PCDH9: variants seen among roughly 807,000 people sequenced by gnomAD.
The protein encoded by PCDH9 is protocadherin 9.
A neutral mutation model predicts 70.6 loss-of-function variants in PCDH9; 24 were observed. That is an observed-to-expected ratio of 0.34 (90% CI 0.25 to 0.48). The LOEUF (loss-of-function observed/expected upper bound fraction) is 0.48. Among genes scored for constraint, PCDH9 ranks in the 20% least tolerant of loss-of-function variants. The pLI, the probability that PCDH9 is intolerant of heterozygous loss-of-function variation, is 0.99. For missense variants in PCDH9, 1,281 were observed against 1,503.6 expected (o/e 0.85, Z 2.45); for synonymous variants, 562 against 558.5 (o/e 1.01, Z -0.09).
At chr13:66,646,224 C>G (rs2077769288) in intron 3 of PCDH9, among the ~76,000 whole-genome samples, 1 of 152,206 alleles carries the variant, frequency 6.6e-6, no homozygotes, top group Non-Finnish European at 1.5e-5. Flanking sequence ...TGATGTTTAC[C>G]TTTTCAGGAT....
intron 2 of PCDH9, among the ~76,000 whole-genome samples, chr13:67,087,617 C>CTCCA (rs1383940414): frequency 6.6e-6 from 1 of 152,090 alleles, no homozygotes; most frequent in Non-Finnish European, 1.5e-5. Flanking sequence ...CTTTGTTCCT[C>CTCCA]TCCATTGGCA....
intron 3 of PCDH9, among the ~76,000 whole-genome samples, chr13:66,680,715 T>C (rs1347852269): frequency 6.6e-6 from 1 of 151,838 alleles, no homozygotes; most frequent in Non-Finnish European, 1.5e-5. Context: ...CAATGAGCAA[T>C]AGTACACAAT....
At chr13:66,731,927 T>C (rs796784471) in intron 3 of PCDH9, among the ~76,000 whole-genome samples, 13 of 152,156 alleles carry the variant, frequency 8.5e-5, no homozygotes, top group African/African-American at 2.6e-4. Context: ...TGTCACTGTT[T>C]ATTTTTTGTG....
intron 2 of PCDH9, chr13:67,216,664 T>C (rs564376584): frequency 8.9e-5 from 7 of 79,014 alleles, no homozygotes; most frequent in Non-Finnish European, 1.8e-4. Flanking sequence ...ATTTCACACT[T>C]TGTGGTTGTC....
At chr13:66,948,581 A>G (rs2083127386) in intron 2 of PCDH9, among the ~76,000 whole-genome samples, 1 of 151,996 alleles carries the variant, frequency 6.6e-6, no homozygotes, top group African/African-American at 2.4e-5. Flanking sequence ...TTAATTGTAA[A>G]CTCCATGATA....
chr13:66,707,394 A>G (rs1187824934), intron 3 of PCDH9, among the ~76,000 whole-genome samples: 1 of 152,232 alleles, frequency 6.6e-6, no homozygotes, highest in Non-Finnish European at 1.5e-5. Flanking sequence ...AAAAGGCAGC[A>G]CATATTGCCA....
At chr13:66,753,425 A>G (rs749368244) in intron 3 of PCDH9, among the ~76,000 whole-genome samples, 3 of 152,202 alleles carry the variant, frequency 2.0e-5, no homozygotes, top group Non-Finnish European at 2.9e-5. Context: ...TCTAATCACT[A>G]TATACATATC....
chr13:66,861,518 C>A (rs2139480669), intron 3 of PCDH9, among the ~76,000 whole-genome samples: 1 of 152,244 alleles, frequency 6.6e-6, no homozygotes, highest in East Asian at 1.9e-4. Context: ...CTAAATGTCA[C>A]AAGTTTTACT....
intron 4 of PCDH9, among the ~76,000 whole-genome samples, chr13:66,462,516 T>A (rs1481435560): frequency 6.6e-6 from 1 of 151,810 alleles, no homozygotes; most frequent in Non-Finnish European, 1.5e-5. Context: ...CAACAATGGT[T>A]TCCAAAATTA....
At chr13:67,003,222 C>T (rs1180340020) in intron 2 of PCDH9, among the ~76,000 whole-genome samples, 1 of 152,018 alleles carries the variant, frequency 6.6e-6, no homozygotes, top group Non-Finnish European at 1.5e-5. Context: ...ACAGAGCAAA[C>T]ATACTGATGA....
At chr13:66,648,396 A>G (rs1221197926) in intron 3 of PCDH9, among the ~76,000 whole-genome samples, 1 of 152,176 alleles carries the variant, frequency 6.6e-6, no homozygotes, top group Non-Finnish European at 1.5e-5. Context: ...AAAGTAAGGG[A>G]AGAGAACAAG....
chr13:66,679,667 T>G (rs1385407737), intron 3 of PCDH9, among the ~76,000 whole-genome samples: 2 of 151,960 alleles, frequency 1.3e-5, no homozygotes, highest in Non-Finnish European at 2.9e-5. Context: ...GTAATTTAAT[T>G]TGAAAAGCAA....
chr13:67,228,358 T>C lies in PCDH9; in HGVS notation c.83A>G (p.Tyr28Cys). ...LDSAIAQELI[Y>C]TIREELPENV... ...TTCAGGCAATTCCTCTCTAATAGTG[T>C]AAATAAGTTCTTGAGCTATTGCGGA... Residue 28 changes from tyrosine (Y) to cysteine (C), a missense_variant, in exon 2 of 5, where the codon TAC (tyrosine) becomes TGC (cysteine). Physicochemically the swap from Tyr to Cys is radical, Grantham distance 194. Coordinates refer to ENST00000377865, the MANE Select transcript of PCDH9 (RefSeq NM_203487.3). The C allele has an allele frequency of 1.2e-6, 2 of 1,613,828 alleles. No homozygotes were observed. The highest frequency in any genetic ancestry group is 2.7e-5 in the African/African-American group (2 of 75,040).
intron 3 of PCDH9, among the ~76,000 whole-genome samples, chr13:66,777,517 A>G (rs4356361): frequency 0.37 from 56,611 of 151,932 alleles, 10,817 homozygotes; most frequent in East Asian, 0.57. Context: ...GCGGCCAAAA[A>G]ACACATGAAA....
chr13:67,056,635 A>G (rs112260055), intron 2 of PCDH9, among the ~76,000 whole-genome samples: 2 of 152,242 alleles, frequency 1.3e-5, no homozygotes, highest in African/African-American at 4.8e-5. Flanking sequence ...TAATATAAAA[A>G]CCTTGACTGA....
intron 2 of PCDH9, among the ~76,000 whole-genome samples, chr13:67,196,605 AT>A (rs2089071210): frequency 6.6e-6 from 1 of 152,100 alleles, no homozygotes; most frequent in Non-Finnish European, 1.5e-5. Context: ...AATATTATAG[AT>A]AAATAACAAA....
At chr13:66,755,403 C>G (rs757126837) in intron 3 of PCDH9, among the ~76,000 whole-genome samples, 4 of 152,144 alleles carry the variant, frequency 2.6e-5, no homozygotes, top group Non-Finnish European at 5.9e-5. Flanking sequence ...AGGTGTCCAG[C>G]ACATGTCTGT....
At chr13:66,838,115 A>G (rs1398706020) in intron 3 of PCDH9, among the ~76,000 whole-genome samples, 1 of 152,200 alleles carries the variant, frequency 6.6e-6, no homozygotes, top group African/African-American at 2.4e-5. Flanking sequence ...CTAAATATGT[A>G]TTCATGTTAC....
chr13:66,513,870 G>A (rs1428445856), intron 4 of PCDH9, among the ~76,000 whole-genome samples: 1 of 151,746 alleles, frequency 6.6e-6, no homozygotes, highest in Non-Finnish European at 1.5e-5. Flanking sequence ...TTTCAGACAT[G>A]TGTGGTTAAT....
Sources: gnomAD v4.1 joint callset for allele counts (sites outside exome capture counted in the v4.1 genomes callset) on GRCh38, gnomAD v4.1.1 for gene constraint, MANE v1.5 for transcripts, NCBI Gene and HGNC (gene_info 2026-07-23, HGNC 2026-07-21) for gene names.